Variants in CREBRF observed in about 807,000 individuals in gnomAD.
CREBRF encodes UPF0474 protein C5orf41.
In CREBRF, 5 loss-of-function variants were observed where a neutral mutation model predicts 66.1. The ratio of observed to expected loss-of-function variants is 0.08; its 90% CI spans 0.04 to 0.16. The LOEUF (loss-of-function observed/expected upper bound fraction) is 0.16. Ranked by LOEUF, CREBRF falls within the 10% of genes least tolerant of loss-of-function variation. The pLI, the probability that CREBRF is intolerant of heterozygous loss-of-function variation, is 1.00. For missense variants in CREBRF, 531 were observed against 744.9 expected (o/e 0.71, Z 3.34); for synonymous variants, 229 against 264.4 (o/e 0.87, Z 1.30).
intron 1 of CREBRF, among the ~76,000 whole-genome samples, chr5:173,075,867 T>C (rs1757746073): frequency 6.6e-6 from 1 of 151,946 alleles, no homozygotes; most frequent in Admixed American, 6.6e-5. Flanking sequence ...CCTTTACCTC[T>C]TGTCTTAGTC....
intron 6 of CREBRF, among the ~76,000 whole-genome samples, chr5:173,111,085 C>T (rs1285681242): frequency 6.6e-6 from 1 of 152,110 alleles, no homozygotes; most frequent in Non-Finnish European, 1.5e-5. Context: ...ACAACCACCA[C>T]CACAATCAAG....
intron 2 of CREBRF, chr5:173,085,442 G>C: frequency 1.3e-6 from 1 of 752,720 alleles, no homozygotes; most frequent in South Asian, 1.6e-5. Flanking sequence ...TGGAGACGGA[G>C]TTTCGCTCTT....
intron 4 of CREBRF, among the ~76,000 whole-genome samples, chr5:173,102,574 A>T (rs1758652615): frequency 6.6e-6 from 1 of 152,074 alleles, no homozygotes; most frequent in Non-Finnish European, 1.5e-5. Flanking sequence ...ATTTGGGGTC[A>T]GTCTGAAACC....
intron 8 of CREBRF, among the ~76,000 whole-genome samples, chr5:173,126,172 ACT>A (rs1759270242): frequency 6.6e-6 from 1 of 151,800 alleles, no homozygotes; most frequent in Admixed American, 6.6e-5. Flanking sequence ...ACAGAGTCTC[ACT>A]CTGTCGCCCA....
chr5:173,065,621 C>G (rs940890380), intron 1 of CREBRF, among the ~76,000 whole-genome samples: 2 of 136,676 alleles, frequency 1.5e-5, no homozygotes, highest in Admixed American at 7.4e-5. Context: ...CTCTTTATTC[C>G]CTTTGGGTTA....
Position 173,122,986 on chromosome 5 carries a change from T to C in CREBRF, c.1682-94T>C, listed in dbSNP as rs1759176944. ...GTGTATATGTGCCACATTTTCTTAA[T>C]CCAGTCCATTTCTTAATTATCTGTT... On this transcript the variant is annotated intron_variant, in intron 7 of 8. Coordinates refer to ENST00000296953, the MANE Select transcript of CREBRF (RefSeq NM_153607.3). The C allele has an allele frequency of 3.2e-6, 4 of 1,240,172 alleles. No individual in the cohort carries two copies. The South Asian group carries it at 4.9e-5, about 15-fold the overall frequency. 76.8% of individuals were successfully genotyped at this position (1,240,172 alleles called of 1,614,324 possible).
rs375220506 is a variant in CREBRF at position 173,083,907 on chromosome 5, G to A, written c.10-2594G>A. On this transcript the variant is annotated intron_variant, in intron 2 of 8. Coordinates refer to ENST00000296953, the MANE Select transcript of CREBRF (RefSeq NM_153607.3). ...AAATTACAAACTCAATTTATTTGGT[G>A]TATTTCAAAGGTGCAATACTTTTCT... Among the ~76,000 whole-genome samples the A allele has an allele frequency of 4.7e-4, 72 of 152,188 alleles. 2 individuals carry two copies. In the South Asian group the frequency reaches 0.014, roughly 29 times the overall value.
chr5:173,091,705 T>A (rs1270182931), intron 4 of CREBRF: 1 of 1,056,606 alleles, frequency 9.5e-7, no homozygotes, highest in Non-Finnish European at 1.1e-6. Context: ...GGACTTATTC[T>A]TAATGTATCT....
chr5:173,062,108 A>G (rs1202737650), intron 1 of CREBRF, among the ~76,000 whole-genome samples: 1 of 152,180 alleles, frequency 6.6e-6, no homozygotes, highest in African/African-American at 2.4e-5. Flanking sequence ...CCATCTCACA[A>G]GGGGATACTG....
Position 173,123,165 on chromosome 5 carries a change from G to T in CREBRF, c.1767G>T (p.Met589Ile), listed in dbSNP as rs1759181744. The T allele has an allele frequency of 6.2e-7, 1 of 1,601,452 alleles. No individual in the cohort carries two copies. Among genetic ancestry groups the T allele is most frequent in the Admixed American group, 1.8e-5 (1 of 55,490 alleles). ...CAAGAGATGAGAGAGGACCCAACAT[G>T]GGGCAGAAGCTTGAAATCCTCATTA... ...QNPRDERGPN[M>I]GQKLEILIKD... The change falls in exon 8 of 9, where the codon ATG becomes ATT. Residue 589 changes from methionine (M) to isoleucine (I), a missense_variant. Physicochemically the swap from Met to Ile is conservative, Grantham distance 10. Around this residue, in one of 5 missense-constraint regions of CREBRF, gnomAD observed 64 missense variants for 111.3 expected, o/e 0.58. Coordinates refer to ENST00000296953, the MANE Select transcript of CREBRF (RefSeq NM_153607.3).
rs1435864646 is a variant in CREBRF at position 173,056,441 on chromosome 5, G to T, written c.-230G>T. The T allele has an allele frequency of 2.5e-6, 1 of 398,348 alleles. No individual in the cohort carries two copies. Among genetic ancestry groups the T allele is most frequent in the African/African-American group, 2.1e-5 (1 of 48,632 alleles). The allele number at this position is 398,348 out of a possible 1,614,324, so 24.7% of individuals were successfully genotyped here. On this transcript the variant is annotated 5_prime_UTR_variant, in exon 1 of 9. Coordinates refer to ENST00000296953, the MANE Select transcript of CREBRF (RefSeq NM_153607.3). ...GAGAGGGGCCGTGGCCCCTGCAGCG[G>T]AACCGGACCCAGTCCCTGAGCCGCC...
At chr5:173,093,311 CT>C (rs1758395675) in intron 4 of CREBRF, among the ~76,000 whole-genome samples, 1 of 152,142 alleles carries the variant, frequency 6.6e-6, no homozygotes, top group Non-Finnish European at 1.5e-5. Context: ...TTTTGCTTTT[CT>C]TTGACTTTTT....
In CREBRF at chr5:173,091,386, A is replaced by G. The variant is rs746658098; in HGVS notation, c.1207A>G (p.Thr403Ala). Residue 403 changes from threonine (T) to alanine (A), a missense_variant, in exon 4 of 9, where the codon ACT becomes GCT. Coordinates refer to ENST00000296953, the MANE Select transcript of CREBRF (RefSeq NM_153607.3). ...EDDKDDDISDTFSEPGYENDS... is the reference protein window; with the variant it reads ...EDDKDDDISDAFSEPGYENDS... ...TGACAAGGATGATGATATTAGTGAT[A>G]CTTTCTCTGAACCAGGTATTATAAT... is the stretch of plus-strand genomic sequence containing the variant. 3 of 1,613,874 alleles carry G rather than the reference A, an allele frequency of 1.9e-6. No homozygotes were observed. The highest frequency in any genetic ancestry group is 2.5e-6 in the Non-Finnish European group (3 of 1,179,926).
At position 173,058,786 on chromosome 5, in the gene CREBRF, CTTTTTTTTTTT is replaced by C. The variant is rs70984932; in HGVS notation, c.-192+2324_-192+2334del. On this transcript the variant is annotated intron_variant, in intron 1 of 8. Transcript: ENST00000296953. ...AGGCGTGAGCCACCGCGCCCAGCCT[CTTTTTTTTTTT>C]TTTTTTTTTTTTTTTTAAGACGGAG... is the stretch of plus-strand genomic sequence containing the variant. Among the ~76,000 whole-genome samples, 86 of 64,096 alleles carry C rather than the reference CTTTTTTTTTTT, an allele frequency of 1.3e-3. No homozygotes were observed. In the South Asian group the frequency reaches 0.03, roughly 22 times the overall value. 42.0% of individuals were successfully genotyped at this position (64,096 alleles called of 152,430 possible).
intron 1 of CREBRF, among the ~76,000 whole-genome samples, chr5:173,079,545 G>A (rs1431651481): frequency 6.6e-6 from 1 of 151,802 alleles, no homozygotes; most frequent in Non-Finnish European, 1.5e-5. Context: ...GACTTCAGAA[G>A]GCAAATTCAG....
At chr5:173,063,757 C>CT (rs1436520398) in intron 1 of CREBRF, among the ~76,000 whole-genome samples, 1 of 151,496 alleles carries the variant, frequency 6.6e-6, no homozygotes, top group Non-Finnish European at 1.5e-5. Context: ...GAGTCTTGCT[C>CT]TGTCACCCAG....
At chr5:173,101,804 C>T (rs1286865686) in intron 4 of CREBRF, among the ~76,000 whole-genome samples, 14 of 152,160 alleles carry the variant, frequency 9.2e-5, no homozygotes, top group African/African-American at 3.4e-4. Flanking sequence ...CCCCATCGGC[C>T]TCCCAAAGTG....
chr5:173,122,379 G>A (rs533350775), intron 7 of CREBRF, among the ~76,000 whole-genome samples: 2 of 152,236 alleles, frequency 1.3e-5, no homozygotes, highest in South Asian at 4.1e-4. Flanking sequence ...GGGATTATAG[G>A]CGTGAGCCAC....
In CREBRF at chr5:173,110,347, A is replaced by G. The variant is rs183530629; in HGVS notation, c.1418-175A>G. 1.7e-4 allele frequency: 118 copies of G among 697,806 alleles called. No individual in the cohort carries two copies. In the African/African-American group the frequency reaches 1.9e-3, roughly 11 times the overall value. 43.2% of individuals were successfully genotyped at this position (697,806 alleles called of 1,614,324 possible). A position where few individuals can be genotyped will look rare whatever the true frequency, so the allele number is the denominator to read the frequency against. ...TTCCTGCAGCCACAAGATGGGAAGG[A>G]GAGGAGGCCAGCCCTTCTAGGATAG... On this transcript the variant is annotated intron_variant, in intron 5 of 8. Coordinates refer to ENST00000296953, the MANE Select transcript of CREBRF (RefSeq NM_153607.3).
Sources: gnomAD v4.1 joint callset for allele counts (sites outside exome capture counted in the v4.1 genomes callset) on GRCh38, gnomAD v4.1.1 for gene constraint, gnomAD v4.1.1 regional missense constraint, MANE v1.5 for transcripts, NCBI Gene and HGNC (gene_info 2026-07-23, HGNC 2026-07-21) for gene names.